Variants in MIGA1 observed in about 807,000 individuals in gnomAD.
MIGA1 encodes the protein family with sequence similarity 73, member A.
MIGA1 carries 58 observed loss-of-function variants against 82.0 expected under a neutral mutation model. That is an observed-to-expected ratio of 0.71 (90% CI 0.57 to 0.88). The LOEUF (loss-of-function observed/expected upper bound fraction) is 0.88, where lower values mean the gene tolerates loss of function less well. MIGA1 is among the 40% of genes least tolerant of loss of function. The pLI is 0.00. For missense variants in MIGA1, 751 were observed against 749.1 expected (o/e 1.00, Z -0.03); for synonymous variants, 249 against 253.6 (o/e 0.98, Z 0.17).
intron 7 of MIGA1, among the ~76,000 whole-genome samples, chr1:77,816,603 A>G (rs1683581808): frequency 6.6e-6 from 1 of 152,180 alleles, no homozygotes; most frequent in Non-Finnish European, 1.5e-5. Context: ...TATTATTGTC[A>G]CCAAACATTA....
intron 2 of MIGA1, among the ~76,000 whole-genome samples, chr1:77,787,463 C>T (rs1017945442): frequency 2.0e-5 from 3 of 151,558 alleles, no homozygotes; most frequent in Admixed American, 6.6e-5. Flanking sequence ...TCACTGCTCA[C>T]TGCAGCCTCG....
chr1:77,873,527 A>G (rs1557942061), intron 15 of MIGA1, among the ~76,000 whole-genome samples: 1 of 152,208 alleles, frequency 6.6e-6, no homozygotes, highest in Non-Finnish European at 1.5e-5. Flanking sequence ...AATATAGAAT[A>G]AGTTGTGGTT....
chr1:77,870,829 CCCGGCACCTCGGGAGGCCGAGG>C (rs1422263413), intron 14 of MIGA1, among the ~76,000 whole-genome samples: 3 of 151,336 alleles, frequency 2.0e-5, no homozygotes, highest in Non-Finnish European at 4.4e-5. Flanking sequence ...CGTCTGCAAT[CCCGGCACCTCGGGAGGCCGAGG>C]CCGGCGGATC....
intron 5 of MIGA1, chr1:77,811,707 C>T (rs113199139): frequency 6.2e-7 from 1 of 1,611,940 alleles, no homozygotes; most frequent in African/African-American, 1.3e-5. Flanking sequence ...CCAGCTGGCC[C>T]CAAGAGTCGA....
At chr1:77,863,106 A>G (rs1053120970) in intron 12 of MIGA1, among the ~76,000 whole-genome samples, 2 of 152,202 alleles carry the variant, frequency 1.3e-5, no homozygotes, top group Non-Finnish European at 1.5e-5. Flanking sequence ...CAGGCCAGCA[A>G]CCTGAGACTC....
intron 7 of MIGA1, among the ~76,000 whole-genome samples, chr1:77,833,144 A>T (rs193066016): frequency 6.6e-6 from 1 of 152,328 alleles, no homozygotes; most frequent in East Asian, 1.9e-4. Flanking sequence ...CCCCAAGTTG[A>T]AGCTCTGAGA....
chr1:77,849,153 A>G (rs1184126262), intron 8 of MIGA1, among the ~76,000 whole-genome samples: 6 of 152,190 alleles, frequency 3.9e-5, no homozygotes, highest in Admixed American at 1.3e-4. Context: ...TAATACCAAC[A>G]TTTTGGGAGG....
At chr1:77,846,539 G>T (rs1025533318) in intron 8 of MIGA1, among the ~76,000 whole-genome samples, 6 of 151,900 alleles carry the variant, frequency 3.9e-5, no homozygotes, top group Non-Finnish European at 8.8e-5. Context: ...TTGTCAGGTT[G>T]CCCAGGCTGG....
At chr1:77,825,309 T>C (rs1683988727) in intron 7 of MIGA1, among the ~76,000 whole-genome samples, 1 of 152,150 alleles carries the variant, frequency 6.6e-6, no homozygotes, top group Non-Finnish European at 1.5e-5. Flanking sequence ...CTGGCCCTGT[T>C]CTGTTTCTCT....
At chr1:77,863,140 C>T (rs191165623) in intron 12 of MIGA1, among the ~76,000 whole-genome samples, 1 of 152,278 alleles carries the variant, frequency 6.6e-6, no homozygotes, top group East Asian at 1.9e-4. Flanking sequence ...CCCTGATGCT[C>T]ACCCATTTTA....
In MIGA1 at chr1:77,873,066, C is replaced by G. The variant is rs773044784; in HGVS notation, c.1626C>G (p.Ala542=). 6.8e-6 allele frequency: 11 copies of G among 1,613,780 alleles called. No individual in the cohort carries two copies. Among genetic ancestry groups the G allele is most frequent in the Non-Finnish European group, 8.5e-6 (10 of 1,179,906 alleles). The stretch of plus-strand genomic sequence containing the variant: ...GTGAACACATCAGTCCTGTCCTAGC[C>G]TGGGGCTTTTTGGGTCCTAGAAATT... Residue 542 remains alanine (A), a synonymous_variant, in exon 15 of 16, where the codon GCC becomes GCG. Transcript: ENST00000370791.
At chr1:77,798,332 GATAAAGACATACCTGAGACTGGATAATTT>G (rs1362644467) in intron 2 of MIGA1, among the ~76,000 whole-genome samples, 5 of 152,148 alleles carry the variant, frequency 3.3e-5, no homozygotes, top group African/African-American at 4.8e-5. Flanking sequence ...TCACTCTGCT[GATAAAGACATACCTGAGACTGGATAATTT>G]ATAAAGAAAA....
At chr1:77,868,015 G>A (rs1685741138) in intron 14 of MIGA1, among the ~76,000 whole-genome samples, 1 of 152,124 alleles carries the variant, frequency 6.6e-6, no homozygotes, top group Non-Finnish European at 1.5e-5. Flanking sequence ...ATTACAGTAA[G>A]TTACTGACCA....
At chr1:77,830,912 T>C (rs1242809230) in intron 7 of MIGA1, among the ~76,000 whole-genome samples, 3 of 152,216 alleles carry the variant, frequency 2.0e-5, no homozygotes, top group Non-Finnish European at 4.4e-5. Context: ...AGGGCTAATG[T>C]GCCTATTTTC....
At chr1:77,855,738 TTAATC>T (rs1423420060) in intron 8 of MIGA1, among the ~76,000 whole-genome samples, 1 of 152,064 alleles carries the variant, frequency 6.6e-6, no homozygotes, top group African/African-American at 2.4e-5. Context: ...TTTGTGTACA[TTAATC>T]TAGTATCTGG....
chr1:77,851,894 T>TG (rs34063581), intron 8 of MIGA1, among the ~76,000 whole-genome samples: 2 of 149,202 alleles, frequency 1.3e-5, no homozygotes, highest in Admixed American at 6.7e-5. Flanking sequence ...TTTTTTTTTT[T>TG]GAGACAGAGT....
chr1:77,869,064 GT>G (rs1685790156), intron 14 of MIGA1, among the ~76,000 whole-genome samples: 1 of 151,762 alleles, frequency 6.6e-6, no homozygotes, highest in African/African-American at 2.4e-5. Context: ...AAGGTCTCTG[GT>G]TTTCCTAGGC....
At chr1:77,839,971 G>A (rs544712310) in intron 7 of MIGA1, among the ~76,000 whole-genome samples, 106 of 152,270 alleles carry the variant, frequency 7.0e-4, no homozygotes, top group Non-Finnish European at 1.3e-3. Context: ...GGGCTTAAGA[G>A]ATTTGCCTGC....
intron 10 of MIGA1, 41 bp from the exon 11 acceptor site, chr1:77,859,999 T>C: frequency 7.6e-7 from 1 of 1,315,484 alleles, no homozygotes; most frequent in Non-Finnish European, 1.1e-6. Flanking sequence ...TTCACATTCA[T>C]TATAGGTCTC....
Sources: allele counts gnomAD v4.1 joint callset (sites outside exome capture counted in the v4.1 genomes callset), GRCh38; gene constraint gnomAD v4.1.1; transcripts MANE v1.5; gene names NCBI Gene and HGNC (gene_info 2026-07-23, HGNC 2026-07-21).